The following KIAA0825 variants were observed in gnomAD, a reference collection of about 807,000 sequenced individuals.
KIAA0825 encodes uncharacterized protein KIAA0825.
KIAA0825 carries 119 observed loss-of-function variants against 147.6 expected under a neutral mutation model. That is an observed-to-expected ratio of 0.81 (90% CI 0.69 to 0.94). The LOEUF (loss-of-function observed/expected upper bound fraction) is 0.94, where lower values mean the gene tolerates loss of function less well. Among genes scored for constraint, KIAA0825 ranks in the 40% least tolerant of loss-of-function variants. The pLI, the probability that KIAA0825 is intolerant of heterozygous loss-of-function variation, is 0.00. For synonymous variants in KIAA0825, 470 were observed against 518.1 expected, an observed-to-expected ratio of 0.91 and a Z score of 1.26; for missense variants, 1,381 against 1,472.7, an observed-to-expected ratio of 0.94 and a Z score of 1.02.
chr5:94,317,340 A>G (rs908028784), intron 20 of KIAA0825, among the ~76,000 whole-genome samples: 6 of 151,906 alleles, frequency 3.9e-5, no homozygotes, highest in Admixed American at 3.3e-4. Flanking sequence ...TGTTTAAAAT[A>G]TTTTGAAAAT....
intron 20 of KIAA0825, among the ~76,000 whole-genome samples, chr5:94,328,061 T>C (rs1378970311): frequency 6.6e-6 from 1 of 152,164 alleles, no homozygotes; most frequent in African/African-American, 2.4e-5. Flanking sequence ...ATTTAATATG[T>C]ATGTCATCTC....
intron 20 of KIAA0825, among the ~76,000 whole-genome samples, chr5:94,302,122 G>C (rs1483817914): frequency 2.0e-5 from 3 of 152,064 alleles, no homozygotes; most frequent in South Asian, 4.1e-4. Context: ...GATTGGAGTT[G>C]ACTCTCAATT....
chr5:94,522,607 GA>G (rs973565927), intron 4 of KIAA0825, among the ~76,000 whole-genome samples: 1 of 151,346 alleles, frequency 6.6e-6, no homozygotes, highest in African/African-American at 2.4e-5. Context: ...AATTTTCTAT[GA>G]AAAAAACAGA....
chr5:94,446,748 A>AT (rs1757779586), intron 13 of KIAA0825, among the ~76,000 whole-genome samples: 1 of 152,198 alleles, frequency 6.6e-6, no homozygotes, highest in Admixed American at 6.6e-5. Context: ...AAGGTAAGCC[A>AT]TAAGTATGCC....
chr5:94,505,097 C>T (rs1407836137), intron 5 of KIAA0825, among the ~76,000 whole-genome samples: 2 of 151,768 alleles, frequency 1.3e-5, no homozygotes, highest in African/African-American at 4.8e-5. Flanking sequence ...CGGAGGCTCA[C>T]ACCTGTAATC....
intron 20 of KIAA0825, among the ~76,000 whole-genome samples, chr5:94,318,479 A>C (rs937044199): frequency 1.3e-5 from 2 of 151,942 alleles, no homozygotes; most frequent in African/African-American, 4.8e-5. Flanking sequence ...CTGACTCGTA[A>C]TTTACTGTAG....
intron 20 of KIAA0825, among the ~76,000 whole-genome samples, chr5:94,295,789 T>C (rs1305591572): frequency 6.6e-6 from 1 of 152,168 alleles, no homozygotes; most frequent in Non-Finnish European, 1.5e-5. Context: ...TGTTCCTTCC[T>C]CTGGAAACTT....
rs970377810 is a variant in KIAA0825, at chr5:94,151,018, G to A, written c.*2989C>T. On this transcript the variant is annotated 3_prime_UTR_variant, in exon 21 of 21. Coordinates refer to ENST00000682413, the MANE Select transcript of KIAA0825 (RefSeq NM_001145678.3). ...TACTTTATAGGAAGATAATATTTTT[G>A]TAATAAGCATATGGGGAGATATAAA... is the stretch of plus-strand genomic sequence containing the variant. Among the ~76,000 whole-genome samples, 1 of 152,096 alleles carries A rather than the reference G, an allele frequency of 6.6e-6. No individual in the cohort carries two copies. Among genetic ancestry groups the A allele is most frequent in the East Asian group, 1.9e-4 (1 of 5,196 alleles).
chr5:94,427,517 G>C (rs887305601), intron 14 of KIAA0825, among the ~76,000 whole-genome samples: 2 of 152,050 alleles, frequency 1.3e-5, no homozygotes, highest in African/African-American at 2.4e-5. Context: ...GCCTGGGTGA[G>C]AGTGCAAGAC....
At chr5:94,202,007 T>A (rs746650772) in intron 20 of KIAA0825, among the ~76,000 whole-genome samples, 2 of 152,138 alleles carry the variant, frequency 1.3e-5, no homozygotes, top group Non-Finnish European at 2.9e-5. Context: ...GGGTAGAGGA[T>A]GAGAGTATCT....
At chr5:94,308,049 A>G (rs1194605369) in intron 20 of KIAA0825, among the ~76,000 whole-genome samples, 2 of 151,800 alleles carry the variant, frequency 1.3e-5, no homozygotes, top group Non-Finnish European at 2.9e-5. Context: ...CAGATAAGCA[A>G]GAGTTTAATC....
intron 5 of KIAA0825, among the ~76,000 whole-genome samples, chr5:94,491,488 C>T (rs995627365): frequency 1.3e-5 from 2 of 152,034 alleles, no homozygotes; most frequent in Non-Finnish European, 2.9e-5. Context: ...CTCAAATGCT[C>T]GGTTCCATGG....
chr5:94,418,926 G>T (rs928749909), intron 14 of KIAA0825, among the ~76,000 whole-genome samples: 6 of 152,040 alleles, frequency 3.9e-5, no homozygotes, highest in African/African-American at 1.2e-4. Context: ...CTCCCAGGCT[G>T]GAATTCAGTG....
intron 20 of KIAA0825, among the ~76,000 whole-genome samples, chr5:94,314,368 G>A (rs187437984): frequency 1.6e-4 from 25 of 151,680 alleles, no homozygotes; most frequent in Admixed American, 1.4e-3. Flanking sequence ...AACTTGATGT[G>A]GCCATTTAAC....
chr5:94,433,897 C>T (rs1416479844), intron 14 of KIAA0825, among the ~76,000 whole-genome samples: 1 of 152,202 alleles, frequency 6.6e-6, no homozygotes, highest in South Asian at 2.1e-4. Flanking sequence ...TCAAATGTCA[C>T]TAGCAGGAAA....
intron 6 of KIAA0825, among the ~76,000 whole-genome samples, chr5:94,479,580 G>A (rs1159696724): frequency 6.6e-6 from 1 of 152,008 alleles, no homozygotes; most frequent in East Asian, 1.9e-4. Flanking sequence ...GTTTTTGTAC[G>A]GATGTAAGTT....
chr5:94,216,034 C>T (rs560751978), intron 20 of KIAA0825, among the ~76,000 whole-genome samples: 23 of 152,186 alleles, frequency 1.5e-4, no homozygotes, highest in African/African-American at 3.6e-4. Context: ...GATCCCATGC[C>T]GGGTTCCTCT....
At chr5:94,570,342 T>G (rs1584925946) in intron 2 of KIAA0825, 1 of 153,954 alleles carries the variant, frequency 6.5e-6, no homozygotes, top group African/African-American at 2.4e-5. Context: ...CCACCCCACA[T>G]CAAACCCGAA....
In KIAA0825 at chr5:94,152,374, G is replaced by A. The variant is rs572687684; in HGVS notation, c.*1633C>T. On this transcript the variant is annotated 3_prime_UTR_variant, in exon 21 of 21. Transcript: ENST00000682413. ...GAAAACATGAAGTTTGATGTCATAT[G>A]GTCTAAAATAGCCCATGATGTAAGG... 6.6e-6 allele frequency among the ~76,000 whole-genome samples: 1 copy of A among 152,192 alleles called. No homozygotes were observed. The highest frequency in any genetic ancestry group is 2.1e-4 in the South Asian group (1 of 4,822).
Sources: allele counts gnomAD v4.1 joint callset (sites outside exome capture counted in the v4.1 genomes callset), GRCh38; gene constraint gnomAD v4.1.1; transcripts MANE v1.5; gene names NCBI Gene and HGNC (gene_info 2026-07-23, HGNC 2026-07-21).